Variants in RNF175 observed in about 807,000 individuals in gnomAD.
RNF175 encodes the protein ring finger protein 175.
Under a neutral mutation model 50.0 loss-of-function variants are expected in RNF175, and 38 were observed. The ratio of observed to expected loss-of-function variants is 0.76; its 90% CI spans 0.59 to 1.00. The LOEUF (loss-of-function observed/expected upper bound fraction) is 1.00, where lower values mean the gene tolerates loss of function less well. Among genes scored for constraint, RNF175 ranks in the 50% least tolerant of loss-of-function variants. The pLI is 0.00. For missense variants in RNF175, 388 were observed against 409.6 expected (o/e 0.95, Z 0.46); for synonymous variants, 155 against 146.1 (o/e 1.06, Z -0.44).
intron 6 of RNF175, among the ~76,000 whole-genome samples, chr4:153,717,196 C>A (rs1391259134): frequency 6.6e-6 from 1 of 151,926 alleles, no homozygotes; most frequent in East Asian, 1.9e-4. Flanking sequence ...GCTCAAATTC[C>A]AGCTTTGGCC....
chr4:153,743,951 G>C (rs958197625), intron 3 of RNF175, among the ~76,000 whole-genome samples: 1 of 152,156 alleles, frequency 6.6e-6, no homozygotes, highest in Non-Finnish European at 1.5e-5. Context: ...ATGGCCACAA[G>C]TCCTTAAAGG....
intron 3 of RNF175, 89 bp from the exon 4 acceptor site, chr4:153,728,450 G>T: frequency 9.2e-7 from 1 of 1,081,906 alleles, no homozygotes. Context: ...GCATTGCTGG[G>T]AGAACCACCT....
intron 3 of RNF175, among the ~76,000 whole-genome samples, chr4:153,746,333 G>C (rs924996055): frequency 6.6e-6 from 1 of 152,274 alleles, no homozygotes; most frequent in Non-Finnish European, 1.5e-5. Flanking sequence ...TGGGCATAGT[G>C]AGGTAGGGTT....
In RNF175 at chr4:153,718,222, G is replaced by GTTTTTTTTTTTTTTTTTTT. The variant is rs1460898288; in HGVS notation, c.630+1961_630+1962insAAAAAAAAAAAAAAAAAAA. Among the ~76,000 whole-genome samples, 32 of 37,538 alleles carry GTTTTTTTTTTTTTTTTTTT rather than the reference G, an allele frequency of 8.5e-4. 8 individuals are homozygous for GTTTTTTTTTTTTTTTTTTT. Among genetic ancestry groups the GTTTTTTTTTTTTTTTTTTT allele is most frequent in the Non-Finnish European group, 1.1e-3 (16 of 14,146 alleles). 24.6% of individuals were successfully genotyped at this position (37,538 alleles called of 152,430 possible). On this transcript the variant is annotated intron_variant, in intron 6 of 8. Transcript: ENST00000347063. ...CTTTCCTAAGGAGTTTTTTTTGTTTGTTTGTTTGTTTGTTTGTTTTTTTTT... is the reference window on the plus strand; with the variant it reads ...CTTTCCTAAGGAGTTTTTTTTGTTTGTTTTTTTTTTTTTTTTTTTTTTGTTTGTTTGTTTGTTTTTTTTT...
intron 2 of RNF175, among the ~76,000 whole-genome samples, chr4:153,750,511 C>T (rs940792932): frequency 1.8e-4 from 27 of 152,132 alleles, no homozygotes; most frequent in African/African-American, 5.8e-4. Context: ...CTGGAAGTTA[C>T]CATAGATGGA....
chr4:153,758,734 C>T (rs1180353538), intron 1 of RNF175, among the ~76,000 whole-genome samples: 1 of 151,930 alleles, frequency 6.6e-6, no homozygotes, highest in African/African-American at 2.4e-5. Flanking sequence ...GTGGACAGTC[C>T]CCTCTCTCTG....
chr4:153,716,063 CAAAAAA>C (rs35531787), intron 6 of RNF175, among the ~76,000 whole-genome samples: 2 of 94,188 alleles, frequency 2.1e-5, no homozygotes, highest in African/African-American at 4.9e-5. Flanking sequence ...GACTCTGTCT[CAAAAAA>C]AAAAAAAAAA....
chr4:153,760,008 T>C lies in RNF175; in HGVS notation c.-146A>G, dbSNP rs1007878949. The C allele has an allele frequency of 1.8e-5, 8 of 442,670 alleles. No homozygotes were observed. The highest frequency in any genetic ancestry group is 3.1e-5 in the Non-Finnish European group (8 of 262,106). 27.4% of individuals were successfully genotyped at this position (442,670 alleles called of 1,614,324 possible). A position where few individuals can be genotyped will look rare whatever the true frequency, so the allele number is the denominator to read the frequency against. ...GGCGGAGCGGCGGCCCTGCCCGGGTTGTGCGGGGCGGGAGATGGGAGCCTC... is the reference window on the plus strand; with the variant it reads ...GGCGGAGCGGCGGCCCTGCCCGGGTCGTGCGGGGCGGGAGATGGGAGCCTC... On this transcript the variant is annotated 5_prime_UTR_variant, in exon 1 of 9. Coordinates refer to ENST00000347063, the MANE Select transcript of RNF175 (RefSeq NM_173662.4).
At position 153,751,492 on chromosome 4, in the gene RNF175, G is replaced by A; in HGVS notation, c.67-17C>T. The stretch of plus-strand genomic sequence containing the variant: ...ATGAGAGAGCTGAAAAACATAAAAA[G>A]GGCCCTTATCAAAAAATGTCCTTAT... On this transcript the variant is annotated splice_polypyrimidine_tract_variant and intron_variant, in intron 1 of 8. Transcript: ENST00000347063. The A allele has an allele frequency of 6.5e-7, 1 of 1,548,270 alleles. No homozygotes were observed. Among genetic ancestry groups the A allele is most frequent in the Non-Finnish European group, 8.7e-7 (1 of 1,145,334 alleles).
At chr4:153,740,367 G>A (rs1377430487) in intron 3 of RNF175, among the ~76,000 whole-genome samples, 1 of 151,978 alleles carries the variant, frequency 6.6e-6, no homozygotes, top group Non-Finnish European at 1.5e-5. Flanking sequence ...ACAATGTGAT[G>A]TTTCTGTACA....
rs180784062 is a variant in RNF175, at chr4:153,715,978, C to T, written c.631-316G>A. 2.1e-3 allele frequency among the ~76,000 whole-genome samples: 304 copies of T among 144,168 alleles called. 1 individual carries two copies. Among genetic ancestry groups the T allele is most frequent in the African/African-American group, 6.5e-3 (252 of 38,718 alleles). The allele number at this position is 144,168 out of a possible 152,430, so 94.6% of individuals were successfully genotyped here. On this transcript the variant is annotated intron_variant, in intron 6 of 8. Transcript: ENST00000347063. The stretch of plus-strand genomic sequence containing the variant: ...ACTCGGGAGGCTGAGGCAGGAGAAT[C>T]GGTTGAACCCGGGAGGTGGAGGTTG...
intron 1 of RNF175, among the ~76,000 whole-genome samples, chr4:153,752,518 A>C (rs762578939): frequency 5.3e-5 from 8 of 152,208 alleles, no homozygotes; most frequent in Non-Finnish European, 1.0e-4. Flanking sequence ...CTAAACTTAT[A>C]CTTTTCTATT....
intron 1 of RNF175, among the ~76,000 whole-genome samples, chr4:153,758,403 G>C (rs1740659750): frequency 6.6e-6 from 1 of 152,104 alleles, no homozygotes; most frequent in Non-Finnish European, 1.5e-5. Context: ...GGGATTAAGG[G>C]AAAAGCTGTG....
Position 153,728,187 on chromosome 4 carries a change from G to T in RNF175, c.401+20C>A. 1 of 1,556,632 alleles carries T rather than the reference G, an allele frequency of 6.4e-7. No individual in the cohort carries two copies. The highest frequency in any genetic ancestry group is 1.2e-5 in the South Asian group (1 of 82,474). On this transcript the variant is annotated intron_variant, in intron 4 of 8. Coordinates refer to ENST00000347063, the MANE Select transcript of RNF175 (RefSeq NM_173662.4). ...TTAAAATAAAGGGGCTCCTGGGGAA[G>T]GAATGTATGGAATACATACCGTGGT...
At chr4:153,752,601 A>T (rs529814847) in intron 1 of RNF175, among the ~76,000 whole-genome samples, 2 of 152,342 alleles carry the variant, frequency 1.3e-5, no homozygotes, top group South Asian at 4.1e-4. Flanking sequence ...ACATGGGTAA[A>T]CATGTTTATA....
At chr4:153,758,005 C>A (rs1579113731) in intron 1 of RNF175, among the ~76,000 whole-genome samples, 1 of 152,084 alleles carries the variant, frequency 6.6e-6, no homozygotes, top group South Asian at 2.1e-4. Context: ...AATACAGGAG[C>A]GAGCAAGGCA....
intron 2 of RNF175, among the ~76,000 whole-genome samples, chr4:153,749,426 GC>G (rs759937731): frequency 6.2e-4 from 94 of 152,334 alleles, no homozygotes; most frequent in Middle Eastern, 6.8e-3. Flanking sequence ...TGGTGCTTAT[GC>G]CAGAGGAGAG....
At position 153,712,560 on chromosome 4, in the gene RNF175, T is replaced by A; in HGVS notation, c.781A>T (p.Ile261Phe). The A allele has an allele frequency of 6.2e-7, 1 of 1,612,234 alleles. No individual in the cohort carries two copies. The highest frequency in any genetic ancestry group is 8.5e-7 in the Non-Finnish European group (1 of 1,178,588). The change falls in exon 8 of 9, where the codon ATC becomes TTC. Residue 261 changes from isoleucine (I) to phenylalanine (F), a missense_variant. Physicochemically the swap from Ile to Phe is conservative, Grantham distance 21 (BLOSUM62 0). Coordinates refer to ENST00000347063, the MANE Select transcript of RNF175 (RefSeq NM_173662.4). ...TTCCCAACGATACACCAACCTCGGATGCAGAATTCATGAAAGCTGAAGCAT... is the reference window on the plus strand; with the variant it reads ...TTCCCAACGATACACCAACCTCGGAAGCAGAATTCATGAAAGCTGAAGCAT... ...SCNHVFHEFCIRGWCIVGKKQ... is the reference protein window; with the variant it reads ...SCNHVFHEFCFRGWCIVGKKQ...
chr4:153,712,877 T>G, intron 7 of RNF175, among the ~76,000 whole-genome samples: 1 of 151,106 alleles, frequency 6.6e-6, no homozygotes. Flanking sequence ...TCCTTTACAG[T>G]GATGTCTTCC....
Sources: allele counts gnomAD v4.1 joint callset (sites outside exome capture counted in the v4.1 genomes callset), GRCh38; gene constraint gnomAD v4.1.1; transcripts MANE v1.5; gene names NCBI Gene and HGNC (gene_info 2026-07-23, HGNC 2026-07-21).